WDR49: variants seen among roughly 807,000 people sequenced by gnomAD.
WDR49 encodes WD repeat domain 49.
A neutral mutation model predicts 119.5 loss-of-function variants in WDR49; 107 were observed. The ratio of observed to expected loss-of-function variants is 0.90; its 90% confidence interval spans 0.77 to 1.05. The LOEUF (loss-of-function observed/expected upper bound fraction) is 1.05, where lower values mean the gene tolerates loss of function less well. Ranked by LOEUF, WDR49 falls within the 50% of genes least tolerant of loss-of-function variation. The probability of loss-of-function intolerance (pLI) is 0.00; values close to 1 mark genes in which losing one functional copy is unlikely to be tolerated. For synonymous variants in WDR49, 425 were observed against 418.8 expected (o/e 1.01, Z -0.18); for missense variants, 1,240 against 1,220.5 (o/e 1.02, Z -0.24).
chr3:167,629,693 T>C (rs988908236), intron 2 of WDR49, among the ~76,000 whole-genome samples: 1 of 152,130 alleles, frequency 6.6e-6, no homozygotes, highest in African/African-American at 2.4e-5. Context: ...TCATAATTCA[T>C]GGGAGGAAGT....
In WDR49 at chr3:167,481,571, G is replaced by A. The variant is rs181887365; in HGVS notation, c.3032-2575C>T. Among the ~76,000 whole-genome samples, 537 of 152,248 alleles carry A rather than the reference G, an allele frequency of 3.5e-3. 5 individuals are homozygous for A. Among genetic ancestry groups the A allele is most frequent in the African/African-American group, 0.012 (513 of 41,536 alleles). The stretch of plus-strand genomic sequence containing the variant: ...ATAGATCAACAAACATATAATTAGA[G>A]TAGGTACTTGTATTAATTCGCTTTC... On this transcript the variant is annotated intron_variant, in intron 18 of 18. Transcript: ENST00000682715.
At chr3:167,564,835 G>T (rs145078128) in intron 8 of WDR49, among the ~76,000 whole-genome samples, 1 of 151,784 alleles carries the variant, frequency 6.6e-6, no homozygotes, top group East Asian at 1.9e-4. Flanking sequence ...TCACCTAATT[G>T]TCTTATTGCT....
intron 16 of WDR49, 22 bp from the exon 17 acceptor site, chr3:167,505,438 T>C: frequency 4.6e-6 from 7 of 1,505,508 alleles, no homozygotes; most frequent in Non-Finnish European, 6.2e-6. Context: ...TATTTCATGA[T>C]GAAATACATT....
chr3:167,508,758 T>C (rs1232609266), intron 16 of WDR49, among the ~76,000 whole-genome samples: 1 of 152,204 alleles, frequency 6.6e-6, no homozygotes, highest in Non-Finnish European at 1.5e-5. Flanking sequence ...TTGTCATACA[T>C]GGACATAGGA....
At chr3:167,529,842 G>T (rs1370644264) in intron 13 of WDR49, among the ~76,000 whole-genome samples, 1 of 151,984 alleles carries the variant, frequency 6.6e-6, no homozygotes, top group African/African-American at 2.4e-5. Context: ...CATTTTTATA[G>T]GTTTTGTTGA....
In WDR49 at chr3:167,527,985, G is replaced by A; in HGVS notation, c.2439C>T (p.Ile813=). The A allele has an allele frequency of 2.5e-6, 4 of 1,612,984 alleles. No homozygotes were observed. Among genetic ancestry groups the A allele is most frequent in the Non-Finnish European group, 3.4e-6 (4 of 1,179,416 alleles). The change falls in exon 15 of 19, where the codon ATC becomes ATT. Residue 813 remains isoleucine (I), a synonymous_variant. Coordinates refer to ENST00000682715, the MANE Select transcript of WDR49 (RefSeq NM_001366157.1). The part of the protein sequence containing the change: ...EYCLNSSKNK[I]TKAPTLIRSF... ...ATCTTATCAGAGTTGGGGCCTTGGT[G>A]ATTTTGTTCTTACTGGAGTTAAGAC...
At chr3:167,500,127 G>C (rs748834020) in intron 18 of WDR49, 26 bp downstream of exon 18, 21 of 1,529,744 alleles carry the variant, frequency 1.4e-5, no homozygotes, top group African/African-American at 5.7e-5. Flanking sequence ...AGGGATAATA[G>C]AGGTGTATGA....
At chr3:167,554,621 G>T in intron 10 of WDR49, 29 bp downstream of exon 10, 1 of 1,356,664 alleles carries the variant, frequency 7.4e-7, no homozygotes, top group South Asian at 1.3e-5. Flanking sequence ...TTTAGATTTT[G>T]ATTAAAATAA....
chr3:167,587,923 C>T (rs1714901372), intron 7 of WDR49, among the ~76,000 whole-genome samples: 1 of 152,082 alleles, frequency 6.6e-6, no homozygotes, highest in East Asian at 1.9e-4. Flanking sequence ...TAGCTATCAC[C>T]TCAAGCATTT....
chr3:167,499,974 C>G (rs748479519), intron 18 of WDR49, among the ~76,000 whole-genome samples, 179 bp downstream of exon 18: 12 of 152,190 alleles, frequency 7.9e-5, no homozygotes, highest in Non-Finnish European at 1.2e-4. Context: ...CCTGTTGGCT[C>G]TCCTATCTGA....
intron 6 of WDR49, 23 bp downstream of exon 6, chr3:167,604,278 T>A: frequency 1.2e-6 from 2 of 1,611,956 alleles, no homozygotes; most frequent in South Asian, 1.1e-5. Flanking sequence ...GCCCTCATAG[T>A]TATCATGATT....
chr3:167,483,657 T>C (rs1248615458), intron 18 of WDR49, among the ~76,000 whole-genome samples: 1 of 152,136 alleles, frequency 6.6e-6, no homozygotes, highest in Admixed American at 6.5e-5. Context: ...TAAAATAAAT[T>C]TCAACAAATT....
At chr3:167,596,585 T>C (rs369360488) in intron 7 of WDR49, among the ~76,000 whole-genome samples, 3 of 148,252 alleles carry the variant, frequency 2.0e-5, no homozygotes, top group Non-Finnish European at 3.0e-5. Context: ...ATGGATGAAA[T>C]TGGAAATCAT....
At chr3:167,507,855 C>T (rs1226728810) in intron 16 of WDR49, among the ~76,000 whole-genome samples, 1 of 152,166 alleles carries the variant, frequency 6.6e-6, no homozygotes, top group Non-Finnish European at 1.5e-5. Context: ...AGACATCTGA[C>T]ATTTGCAGGA....
intron 2 of WDR49, among the ~76,000 whole-genome samples, chr3:167,647,012 A>T (rs1718159690): frequency 6.6e-6 from 1 of 152,204 alleles, no homozygotes; most frequent in African/African-American, 2.4e-5. Context: ...GTCTTGTGTC[A>T]TCATTAATAC....
At chr3:167,497,395 T>C (rs1209945196) in intron 18 of WDR49, among the ~76,000 whole-genome samples, 1 of 152,054 alleles carries the variant, frequency 6.6e-6, no homozygotes, top group Non-Finnish European at 1.5e-5. Flanking sequence ...TTAAAAACTT[T>C]GGGGAAGTTA....
chr3:167,577,405 T>A (rs771234931), intron 7 of WDR49, among the ~76,000 whole-genome samples: 1 of 152,166 alleles, frequency 6.6e-6, no homozygotes, highest in Non-Finnish European at 1.5e-5. Context: ...GTATCTGTTG[T>A]ACAAAATCAA....
intron 5 of WDR49, among the ~76,000 whole-genome samples, chr3:167,617,869 T>G (rs1343515654): frequency 6.6e-6 from 1 of 152,212 alleles, no homozygotes; most frequent in African/African-American, 2.4e-5. Context: ...CTAGCCAGTC[T>G]GATTGCAGTT....
At chr3:167,516,144 G>A (rs1231861128) in intron 16 of WDR49, among the ~76,000 whole-genome samples, 1 of 152,062 alleles carries the variant, frequency 6.6e-6, no homozygotes, top group Non-Finnish European at 1.5e-5. Context: ...GGGTACATGT[G>A]CACAACGTGC....
Sources: allele counts gnomAD v4.1 joint callset (sites outside exome capture counted in the v4.1 genomes callset), GRCh38; gene constraint gnomAD v4.1.1; transcripts MANE v1.5; gene names NCBI Gene and HGNC (gene_info 2026-07-23, HGNC 2026-07-21).